The following STXBP5 variants were observed in gnomAD, a reference collection of about 807,000 sequenced individuals.
STXBP5 encodes syntaxin-binding protein 5.
In STXBP5, 50 loss-of-function variants were observed where a neutral mutation model predicts 152.4. That is an observed-to-expected ratio of 0.33 (90% CI 0.26 to 0.42). STXBP5 has a LOEUF of 0.42. Ranked by LOEUF, STXBP5 falls within the 10% of genes least tolerant of loss-of-function variation. STXBP5 has a pLI of 1.00. For synonymous variants in STXBP5, 492 were observed against 494.7 expected, an observed-to-expected ratio of 0.99 and a Z score of 0.07; for missense variants, 1,167 against 1,388.6, an observed-to-expected ratio of 0.84 and a Z score of 2.54.
intron 21 of STXBP5, among the ~76,000 whole-genome samples, chr6:147,349,165 A>G (rs1433600486): frequency 6.6e-6 from 1 of 152,234 alleles, no homozygotes; most frequent in Non-Finnish European, 1.5e-5. Context: ...GCATTGAAAA[A>G]AAAATACAAG....
intron 4 of STXBP5, among the ~76,000 whole-genome samples, chr6:147,252,331 A>G (rs958984546): frequency 6.6e-6 from 1 of 152,076 alleles, no homozygotes; most frequent in African/African-American, 2.4e-5. Flanking sequence ...AAGAACCTTG[A>G]AAAAAGGTTA....
At position 147,276,207 on chromosome 6, in the gene STXBP5, T is replaced by C. The variant is rs1000131013; in HGVS notation, c.715-1874T>C. ...TAATACTATGCACTACATATATACT[T>C]AGTATTAGAAAACACGTCTTGTATT... On this transcript the variant is annotated intron_variant, in intron 7 of 27. Transcript: ENST00000321680. 5.9e-5 allele frequency among the ~76,000 whole-genome samples: 9 copies of C among 152,220 alleles called. 1 individual carries two copies. The highest frequency in any genetic ancestry group is 2.4e-5 in the African/African-American group (1 of 41,458).
chr6:147,263,276 A>G (rs1005025100), intron 6 of STXBP5, among the ~76,000 whole-genome samples: 1 of 149,380 alleles, frequency 6.7e-6, no homozygotes, highest in Non-Finnish European at 1.5e-5. Context: ...CTTCCTTTCC[A>G]TCTCTAATTG....
In STXBP5 at chr6:147,226,025, T is replaced by C. The variant is rs1777691808; in HGVS notation, c.249-9225T>C. Among the ~76,000 whole-genome samples, 5 of 152,280 alleles carry C rather than the reference T, an allele frequency of 3.3e-5. 1 individual carries two copies. The Middle Eastern group carries it at 0.014, about 414-fold the overall frequency. ...TGAACTAATCTTACCTAAGAAGATA[T>C]GACTGGAGCGGACATGGTGGCTCAT... On this transcript the variant is annotated intron_variant, in intron 2 of 27. Transcript: ENST00000321680.
In STXBP5 at chr6:147,299,531, A is replaced by C. The variant is rs979946609; in HGVS notation, c.917+8359A>C. Among the ~76,000 whole-genome samples the C allele has an allele frequency of 1.5e-4, 23 of 151,958 alleles. 1 individual carries two copies. The highest frequency in any genetic ancestry group is 1.2e-3 in the Admixed American group (19 of 15,242). On this transcript the variant is annotated intron_variant, in intron 9 of 27. Coordinates refer to ENST00000321680, the MANE Select transcript of STXBP5 (RefSeq NM_001127715.4). ...AAACCAGCATTATTCTCTTACCAATACTAATTCCTGAAACTATTCTAAAAA... is the reference window on the plus strand; with the variant it reads ...AAACCAGCATTATTCTCTTACCAATCCTAATTCCTGAAACTATTCTAAAAA...
chr6:147,244,419 T>C (rs141902477), intron 4 of STXBP5, among the ~76,000 whole-genome samples: 1 of 152,334 alleles, frequency 6.6e-6, no homozygotes, highest in African/African-American at 2.4e-5. Context: ...TTAGAATCAG[T>C]TTGTCAATAT....
At chr6:147,329,238 T>C (rs1783428699) in intron 18 of STXBP5, among the ~76,000 whole-genome samples, 1 of 148,412 alleles carries the variant, frequency 6.7e-6, no homozygotes, top group African/African-American at 2.4e-5. Flanking sequence ...TTATTTATAT[T>C]ATTTTTATAT....
intron 10 of STXBP5, among the ~76,000 whole-genome samples, chr6:147,311,149 A>G (rs1782355931): frequency 6.6e-6 from 1 of 152,076 alleles, no homozygotes; most frequent in Non-Finnish European, 1.5e-5. Context: ...TTAAATGATA[A>G]CTGTTCTTGT....
At chr6:147,340,727 G>T (rs1430738730) in intron 21 of STXBP5, among the ~76,000 whole-genome samples, 13 of 151,870 alleles carry the variant, frequency 8.6e-5, no homozygotes, top group Admixed American at 6.6e-4. Flanking sequence ...TTGTGCTGGG[G>T]TTCTATTTAT....
intron 7 of STXBP5, among the ~76,000 whole-genome samples, chr6:147,271,240 A>G (rs1352308726): frequency 6.6e-6 from 1 of 152,192 alleles, no homozygotes; most frequent in East Asian, 1.9e-4. Flanking sequence ...AGATACAGAT[A>G]TGTTGGAAAA....
At chr6:147,365,575 AGTAGT>A (rs1785254613) in intron 25 of STXBP5, among the ~76,000 whole-genome samples, 3 of 152,212 alleles carry the variant, frequency 2.0e-5, no homozygotes, top group Admixed American at 6.5e-5. Flanking sequence ...ATAGTCTTTT[AGTAGT>A]AAACTATATT....
chr6:147,301,407 A>G (rs1269701466), intron 9 of STXBP5, among the ~76,000 whole-genome samples: 1 of 152,206 alleles, frequency 6.6e-6, no homozygotes, highest in East Asian at 1.9e-4. Context: ...GTCCACAGGC[A>G]TATATGTATG....
intron 7 of STXBP5, among the ~76,000 whole-genome samples, chr6:147,275,274 T>TA (rs557736563): frequency 2.9e-4 from 44 of 152,230 alleles, no homozygotes; most frequent in African/African-American, 7.0e-4. Context: ...TTCTCATAGT[T>TA]ACGATTTTTG....
At chr6:147,320,472 A>G (rs1347290207) in intron 16 of STXBP5, among the ~76,000 whole-genome samples, 1 of 152,034 alleles carries the variant, frequency 6.6e-6, no homozygotes, top group African/African-American at 2.4e-5. Flanking sequence ...AGAGTTAGAA[A>G]GAGGGTAGAG....
intron 21 of STXBP5, among the ~76,000 whole-genome samples, chr6:147,340,329 C>CA (rs1387909727): frequency 2.0e-5 from 3 of 151,984 alleles, no homozygotes; most frequent in Non-Finnish European, 2.9e-5. Context: ...CCTGTTTAGT[C>CA]ATATTAACGG....
At chr6:147,341,092 A>T (rs1237697521) in intron 21 of STXBP5, among the ~76,000 whole-genome samples, 1 of 152,064 alleles carries the variant, frequency 6.6e-6, no homozygotes, top group Non-Finnish European at 1.5e-5. Flanking sequence ...TTTTTAAATC[A>T]CAAGATTTGG....
In STXBP5 at chr6:147,373,689, T is replaced by C; in HGVS notation, c.3082-42T>C. 1.4e-6 allele frequency: 2 copies of C among 1,449,946 alleles called. 1 individual carries two copies. The highest frequency in any genetic ancestry group is 2.3e-5 in the South Asian group (2 of 87,488). The allele number at this position is 1,449,946 out of a possible 1,614,324, so 89.8% of individuals were successfully genotyped here. On this transcript the variant is annotated intron_variant, in intron 25 of 27. Transcript: ENST00000321680. ...TACTTTTGTTCATTATAGTTTAGTT[T>C]CCCTGAAATTTCAACAGTGACAATT...
intron 19 of STXBP5, among the ~76,000 whole-genome samples, chr6:147,335,938 G>C (rs969777762): frequency 2.6e-5 from 4 of 152,328 alleles, no homozygotes; most frequent in African/African-American, 7.2e-5. Flanking sequence ...TAATAGAGAA[G>C]TTCATATGTC....
At chr6:147,366,163 A>G (rs1051231827) in intron 25 of STXBP5, among the ~76,000 whole-genome samples, 3 of 152,254 alleles carry the variant, frequency 2.0e-5, no homozygotes, top group Admixed American at 1.3e-4. Flanking sequence ...GAAAAGAGCT[A>G]CAAAGAGAAA....
Sources: gnomAD v4.1 joint callset for allele counts (sites outside exome capture counted in the v4.1 genomes callset) on GRCh38, gnomAD v4.1.1 for gene constraint, MANE v1.5 for transcripts, NCBI Gene and HGNC (gene_info 2026-07-23, HGNC 2026-07-21) for gene names.